The following FRMD6 variants were observed in gnomAD, a reference collection of about 807,000 sequenced individuals.
FRMD6 encodes the protein FERM domain containing 6.
FRMD6 carries 37 observed loss-of-function variants against 73.2 expected under a neutral mutation model. That is an observed-to-expected ratio of 0.51 (90% CI 0.39 to 0.66). The LOEUF (loss-of-function observed/expected upper bound fraction) is 0.66. FRMD6 is among the 30% of genes least tolerant of loss of function. The pLI is 0.00. For missense variants in FRMD6, 714 were observed against 780.5 expected (o/e 0.91, Z 1.02); for synonymous variants, 273 against 282.2 (o/e 0.97, Z 0.33).
chr14:51,671,448 A>G (rs1020541605), intron 1 of FRMD6, among the ~76,000 whole-genome samples: 9 of 152,188 alleles, frequency 5.9e-5, no homozygotes, highest in African/African-American at 2.2e-4. Context: ...GTTCACAGAA[A>G]ATGCATATTA....
intron 10 of FRMD6, 71 bp downstream of exon 10, chr14:51,715,570 G>T: frequency 7.7e-7 from 1 of 1,297,260 alleles, no homozygotes; most frequent in African/African-American, 1.5e-5. Context: ...CTGAATGGGG[G>T]TTTTGAGCTC....
At chr14:51,711,457 T>C in intron 7 of FRMD6, 74 bp from the exon 8 acceptor site, 3 of 952,408 alleles carry the variant, frequency 3.1e-6, no homozygotes, top group Non-Finnish European at 4.7e-6. Flanking sequence ...GAAATGTTTC[T>C]TTGGTGCTAA....
At chr14:51,727,300 T>C (rs1338650571) in intron 13 of FRMD6, among the ~76,000 whole-genome samples, 2 of 143,056 alleles carry the variant, frequency 1.4e-5, no homozygotes, top group Non-Finnish European at 3.0e-5. Context: ...TGAATTGCCA[T>C]ATCCTACTGA....
intron 2 of FRMD6, among the ~76,000 whole-genome samples, chr14:51,577,526 C>A (rs905224767): frequency 6.6e-6 from 1 of 152,152 alleles, no homozygotes; most frequent in African/African-American, 2.4e-5. Context: ...ATACGAAACT[C>A]GCGTACAAAT....
chr14:51,525,256 A>C (rs1372538152), intron 1 of FRMD6, among the ~76,000 whole-genome samples: 6 of 151,668 alleles, frequency 4.0e-5, no homozygotes, highest in Admixed American at 6.6e-5. Flanking sequence ...GCCCTTCTTT[A>C]TTTATTTATT....
chr14:51,517,276 G>A (rs1884686749), intron 1 of FRMD6, among the ~76,000 whole-genome samples: 1 of 151,982 alleles, frequency 6.6e-6, no homozygotes, highest in Admixed American at 6.6e-5. Context: ...ATACGAGTCT[G>A]TATCTCTCCC....
At chr14:51,618,883 A>T (rs1890812627) in intron 2 of FRMD6, among the ~76,000 whole-genome samples, 1 of 149,876 alleles carries the variant, frequency 6.7e-6, no homozygotes, top group Admixed American at 6.7e-5. Flanking sequence ...TCTGATGATG[A>T]ATATATATTA....
chr14:51,496,519 T>G (rs1034300732), intron 1 of FRMD6, among the ~76,000 whole-genome samples: 3 of 152,196 alleles, frequency 2.0e-5, no homozygotes, highest in Non-Finnish European at 4.4e-5. Flanking sequence ...GATTTTCTTA[T>G]AGGCTTTAGG....
At chr14:51,721,291 A>G (rs1897547592) in intron 11 of FRMD6, among the ~76,000 whole-genome samples, 2 of 152,210 alleles carry the variant, frequency 1.3e-5, no homozygotes, top group Admixed American at 6.5e-5. Context: ...ATTAAAACAC[A>G]TATAGGTAAT....
chr14:51,575,596 T>C (rs527652631), intron 2 of FRMD6: 2 of 152,344 alleles, frequency 1.3e-5, no homozygotes, highest in Non-Finnish European at 2.9e-5. Context: ...TCATAAATGT[T>C]TTCTTTTTGA....
chr14:51,630,184 A>G (rs1891282860), intron 2 of FRMD6, among the ~76,000 whole-genome samples: 1 of 152,144 alleles, frequency 6.6e-6, no homozygotes. Flanking sequence ...TTGCAGAGGA[A>G]AAGAGAGGAA....
intron 1 of FRMD6, among the ~76,000 whole-genome samples, chr14:51,562,094 C>T (rs1887515207): frequency 6.6e-6 from 1 of 152,200 alleles, no homozygotes; most frequent in South Asian, 2.1e-4. Context: ...GCTCCTTCAA[C>T]TCCAAGACGA....
chr14:51,400,925 A>T, the FRMD6 span, among the ~76,000 whole-genome samples: 1 of 152,228 alleles, frequency 6.6e-6, no homozygotes, highest in African/African-American at 2.4e-5. Context: ...TCTCCCACTC[A>T]CTGTTGAAAG....
At chr14:51,451,843 G>A in the FRMD6 span, among the ~76,000 whole-genome samples, 3 of 152,304 alleles carry the variant, frequency 2.0e-5, no homozygotes, top group Admixed American at 1.3e-4. Flanking sequence ...CATTTTTCCC[G>A]TACAACCTGC....
At chr14:51,580,371 A>G (rs1189399212) in intron 2 of FRMD6, among the ~76,000 whole-genome samples, 1 of 152,192 alleles carries the variant, frequency 6.6e-6, no homozygotes, top group African/African-American at 2.4e-5. Flanking sequence ...GCAAACACCT[A>G]TGAGCACTCC....
At chr14:51,437,457 C>A in the FRMD6 span, among the ~76,000 whole-genome samples, 1 of 152,320 alleles carries the variant, frequency 6.6e-6, no homozygotes, top group African/African-American at 2.4e-5. Flanking sequence ...CAAGCACCAC[C>A]ACACCCGGCT....
At chr14:51,718,164 G>A (rs1897335149) in intron 10 of FRMD6, among the ~76,000 whole-genome samples, 1 of 152,172 alleles carries the variant, frequency 6.6e-6, no homozygotes, top group South Asian at 2.1e-4. Context: ...TAACTGAACG[G>A]TGTGAAGCTT....
At chr14:51,584,357 C>T (rs1169938069) in intron 2 of FRMD6, 1 of 152,160 alleles carries the variant, frequency 6.6e-6, no homozygotes, top group Admixed American at 6.5e-5. Flanking sequence ...ACAAGAGGTA[C>T]ACTGGGCTCA....
chr14:51,668,620 C>T (rs780493612), intron 1 of FRMD6, among the ~76,000 whole-genome samples: 4 of 145,602 alleles, frequency 2.7e-5, no homozygotes, highest in Non-Finnish European at 4.5e-5. Flanking sequence ...ACTTTGTAAT[C>T]TTAAAATTAG....
Sources: allele counts gnomAD v4.1 joint callset (sites outside exome capture counted in the v4.1 genomes callset), GRCh38; gene constraint gnomAD v4.1.1; transcripts MANE v1.5; gene names NCBI Gene and HGNC (gene_info 2026-07-23, HGNC 2026-07-21).